The following ADCK1 variants were observed in gnomAD, a reference collection of about 807,000 sequenced individuals.
The protein encoded by ADCK1 is aarF domain containing kinase 1.
A neutral mutation model predicts 52.3 loss-of-function variants in ADCK1; 41 were observed. The observed-to-expected ratio is 0.78, with a 90% confidence interval of 0.61 to 1.02. ADCK1 has a LOEUF of 1.02. Among genes scored for constraint, ADCK1 ranks in the 50% least tolerant of loss-of-function variants. The probability of loss-of-function intolerance (pLI) is 0.00; values close to 1 mark genes in which losing one functional copy is unlikely to be tolerated. For synonymous variants in ADCK1, 250 were observed against 274.6 expected (o/e 0.91, Z 0.89); for missense variants, 658 against 679.5 (o/e 0.97, Z 0.35).
At position 77,925,905 on chromosome 14, in the gene ADCK1, C is replaced by T. The variant is rs142956948; in HGVS notation, c.1150C>T (p.Arg384Ter). 24 of 1,614,172 alleles carry T rather than the reference C, an allele frequency of 1.5e-5. No homozygotes were observed. The highest frequency in any genetic ancestry group is 5.0e-5 in the Admixed American group (3 of 60,030). The change falls in exon 9 of 11, where the codon CGA becomes TGA. Residue 384 changes from arginine (R) to a stop codon, truncating the protein, a stop_gained. Coordinates refer to ENST00000238561, the MANE Select transcript of ADCK1 (RefSeq NM_020421.4). LOFTEE classifies it high-confidence loss of function. ...YPLFACMLTA[R>*]SWDSVNRGIS... ...CTTGTTTGCCTGCATGCTGACGGCG[C>T]GATCGTGGGACTCGGTCAACAGAGG...
chr14:77,811,102 G>T (rs1457957509), intron 1 of ADCK1, among the ~76,000 whole-genome samples: 1 of 151,982 alleles, frequency 6.6e-6, no homozygotes, highest in African/African-American at 2.4e-5. Flanking sequence ...AGGAGAAAGG[G>T]TAGGGTTAAG....
At position 77,907,992 on chromosome 14, in the gene ADCK1, G is replaced by A. The variant is rs182512927; in HGVS notation, c.858+73G>A. ...TCAAGGCTGCCCAGGAAGTGCCTGTGTGTCCAGGTGAGGCCTCAGAGTCTG... is the reference window on the plus strand; with the variant it reads ...TCAAGGCTGCCCAGGAAGTGCCTGTATGTCCAGGTGAGGCCTCAGAGTCTG... On this transcript the variant is annotated intron_variant, in intron 7 of 10. Coordinates refer to ENST00000238561, the MANE Select transcript of ADCK1 (RefSeq NM_020421.4). 1,477 of 1,283,336 alleles carry A rather than the reference G, an allele frequency of 1.2e-3. 8 individuals carry two copies. Among genetic ancestry groups the A allele is most frequent in the South Asian group, 7.8e-3 (620 of 79,448 alleles). The allele number at this position is 1,283,336 out of a possible 1,614,324, so 79.5% of individuals were successfully genotyped here.
chr14:77,853,401 T>C (rs2082354250), intron 3 of ADCK1, among the ~76,000 whole-genome samples: 1 of 152,182 alleles, frequency 6.6e-6, no homozygotes, highest in Admixed American at 6.5e-5. Context: ...ATTACAGGTG[T>C]GAGCCACTGT....
chr14:77,800,423 C>T (rs2081084079), intron 1 of ADCK1, among the ~76,000 whole-genome samples: 2 of 152,274 alleles, frequency 1.3e-5, no homozygotes, highest in Admixed American at 1.3e-4. Context: ...CAGTTTGGCA[C>T]ACCAGTGGGC....
At position 77,899,201 on chromosome 14, in the gene ADCK1, T is replaced by A; in HGVS notation, c.684T>A (p.Asn228Lys). 6.2e-7 allele frequency: 1 copy of A among 1,614,158 alleles called. No homozygotes were observed. The highest frequency in any genetic ancestry group is 8.5e-7 in the Non-Finnish European group (1 of 1,180,026). ...KNLPLELDFL[N>K]EGRNAEKVSQ... ...TGCCTTTGGAGCTGGATTTCCTCAATGAAGGGAGGAATGCTGAGAAGGTGT... is the reference window on the plus strand; with the variant it reads ...TGCCTTTGGAGCTGGATTTCCTCAAAGAAGGGAGGAATGCTGAGAAGGTGT... Residue 228 changes from asparagine (N) to lysine (K), a missense_variant, in exon 6 of 11, where the codon AAT becomes AAA. By Grantham distance (94) the Asn-to-Lys change is moderately conservative (BLOSUM62 0). Coordinates refer to ENST00000238561, the MANE Select transcript of ADCK1 (RefSeq NM_020421.4).
At chr14:77,888,076 C>T (rs537487395) in intron 5 of ADCK1, among the ~76,000 whole-genome samples, 245 of 152,254 alleles carry the variant, frequency 1.6e-3, no homozygotes, top group Admixed American at 4.1e-3. Flanking sequence ...GGGTAATCCT[C>T]ATTTAGTGGA....
At chr14:77,820,606 A>G (rs1245001178) in intron 2 of ADCK1, among the ~76,000 whole-genome samples, 1 of 150,738 alleles carries the variant, frequency 6.6e-6, no homozygotes, top group Non-Finnish European at 1.5e-5. Flanking sequence ...TGTTGGGATT[A>G]TGGGTGTGAG....
At chr14:77,805,345 T>C (rs1240571622) in intron 1 of ADCK1, among the ~76,000 whole-genome samples, 4 of 118,060 alleles carry the variant, frequency 3.4e-5, no homozygotes, top group African/African-American at 1.3e-4. Context: ...CACCGCAACC[T>C]CCGCCACCTG....
At chr14:77,903,577 G>A (rs976019855) in intron 6 of ADCK1, among the ~76,000 whole-genome samples, 1 of 152,214 alleles carries the variant, frequency 6.6e-6, no homozygotes, top group African/African-American at 2.4e-5. Context: ...TATGTGCCAG[G>A]GGATGGAAAC....
At chr14:77,830,048 A>G (rs1594893347) in intron 3 of ADCK1, among the ~76,000 whole-genome samples, 1 of 151,612 alleles carries the variant, frequency 6.6e-6, no homozygotes, top group Non-Finnish European at 1.5e-5. Context: ...GTTTTAAGCC[A>G]TAGACAATAG....
intron 1 of ADCK1, among the ~76,000 whole-genome samples, chr14:77,810,126 T>A (rs1048166345): frequency 2.0e-5 from 3 of 152,084 alleles, no homozygotes; most frequent in African/African-American, 7.2e-5. Context: ...TTAATTACTT[T>A]TTTTTTTCTT....
intron 4 of ADCK1, among the ~76,000 whole-genome samples, chr14:77,886,787 A>G (rs893487747): frequency 6.6e-6 from 1 of 152,010 alleles, no homozygotes; most frequent in Non-Finnish European, 1.5e-5. Flanking sequence ...CACACCTGTA[A>G]TCCCAGCTAC....
chr14:77,847,509 G>T (rs1391997371), intron 3 of ADCK1, among the ~76,000 whole-genome samples: 4 of 152,240 alleles, frequency 2.6e-5, no homozygotes, highest in Non-Finnish European at 5.9e-5. Context: ...GGTGGAGGTT[G>T]CAGTGAGCTG....
intron 1 of ADCK1, among the ~76,000 whole-genome samples, chr14:77,802,229 C>T (rs531539797): frequency 6.6e-6 from 1 of 152,046 alleles, no homozygotes; most frequent in Non-Finnish European, 1.5e-5. Context: ...ACCTCGGAAT[C>T]TGGTTGTGTG....
chr14:77,913,619 C>T (rs996028570), intron 7 of ADCK1, among the ~76,000 whole-genome samples: 4 of 152,172 alleles, frequency 2.6e-5, no homozygotes, highest in Non-Finnish European at 2.9e-5. Flanking sequence ...GGACCTTTAT[C>T]GAAGGTTAAT....
At chr14:77,802,087 T>C (rs2081121684) in intron 1 of ADCK1, among the ~76,000 whole-genome samples, 1 of 152,080 alleles carries the variant, frequency 6.6e-6, no homozygotes, top group African/African-American at 2.4e-5. Flanking sequence ...GTGCACTTTT[T>C]GCTCTCTTGG....
intron 4 of ADCK1, among the ~76,000 whole-genome samples, chr14:77,879,021 C>T (rs533872196): frequency 6.6e-6 from 1 of 152,148 alleles, no homozygotes; most frequent in African/African-American, 2.4e-5. Context: ...ATTATTATCA[C>T]AACATTTCCG....
chr14:77,858,543 T>A (rs1317556700), intron 3 of ADCK1, among the ~76,000 whole-genome samples: 2 of 152,140 alleles, frequency 1.3e-5, no homozygotes, highest in Non-Finnish European at 2.9e-5. Flanking sequence ...CCTGGCCTAG[T>A]GATTTCCTTA....
At chr14:77,911,721 TC>T (rs1451352276) in intron 7 of ADCK1, among the ~76,000 whole-genome samples, 1 of 149,926 alleles carries the variant, frequency 6.7e-6, no homozygotes, top group Non-Finnish European at 1.5e-5. Context: ...CTCTTCTACC[TC>T]CCCAGCTTTC....
Sources: allele counts gnomAD v4.1 joint callset (sites outside exome capture counted in the v4.1 genomes callset), GRCh38; gene constraint gnomAD v4.1.1; transcripts MANE v1.5; gene names NCBI Gene and HGNC (gene_info 2026-07-23, HGNC 2026-07-21).